The following IL1RAPL2 variants were observed in gnomAD, a reference collection of about 807,000 sequenced individuals.
IL1RAPL2 encodes the protein interleukin 1 receptor accessory protein like 2, also known as X-linked interleukin-1 receptor accessory protein-like 2.
IL1RAPL2 carries 3 observed loss-of-function variants against 44.1 expected under a neutral mutation model. The observed-to-expected ratio is 0.07, with a 90% CI of 0.03 to 0.18. The LOEUF is 0.18. Among genes scored for constraint, IL1RAPL2 ranks in the 10% least tolerant of loss-of-function variants. The pLI, the probability that IL1RAPL2 is intolerant of heterozygous loss-of-function variation, is 1.00. For synonymous variants in IL1RAPL2, 181 were observed against 178.8 expected, an observed-to-expected ratio of 1.01 and a Z score of -0.10; for missense variants, 391 against 496.4, an observed-to-expected ratio of 0.79 and a Z score of 2.02.
chrX:105,320,583 G>A (rs2034889493), intron 5 of IL1RAPL2, among the ~76,000 whole-genome samples: 1 of 108,587 alleles, frequency 9.2e-6, no homozygotes, highest in Admixed American at 9.6e-5. Context: ...TATATGTGCA[G>A]GTATGTGTAT....
chrX:104,671,194 A>AC (rs1484723836), intron 2 of IL1RAPL2, among the ~76,000 whole-genome samples: 1 of 110,821 alleles, frequency 9.0e-6, no homozygotes, highest in African/African-American at 3.3e-5. Context: ...ACACACACAC[A>AC]CGCACACACA....
rs182417025 is a variant in IL1RAPL2 at position 105,101,696 on chromosome X, C to T, written c.83-93779C>T. Among the ~76,000 whole-genome samples, 59 of 110,871 alleles carry T rather than the reference C, an allele frequency of 5.3e-4. No homozygotes were observed. The East Asian group carries it at 0.016, about 30-fold the overall frequency. On this transcript the variant is annotated intron_variant, in intron 2 of 10. Transcript: ENST00000372582. Reference sequence around the variant, plus strand: ...TTTGGAGATGTTAAAAAAAAATGGGCGTCTGTAGGAATGGTGTATCCCCTT... The same window carrying T: ...TTTGGAGATGTTAAAAAAAAATGGGTGTCTGTAGGAATGGTGTATCCCCTT...
In IL1RAPL2 at chrX:105,140,504, CT is replaced by C. The variant is rs758845475; in HGVS notation, c.83-54965del. ...GCAGCCCTGGTCTGTTTACTTCTGG[CT>C]TTTTTGTTATGTGAGATGAAAAAAT... On this transcript the variant is annotated intron_variant, in intron 2 of 10. Transcript: ENST00000372582. Among the ~76,000 whole-genome samples, 467 of 112,041 alleles carry C rather than the reference CT, an allele frequency of 4.2e-3. 1 individual carries two copies. The highest frequency in any genetic ancestry group is 6.8e-3 in the Non-Finnish European group (364 of 53,194).
chrX:105,631,853 C>T (rs776731653), intron 6 of IL1RAPL2, among the ~76,000 whole-genome samples: 1 of 111,389 alleles, frequency 9.0e-6, no homozygotes, highest in Non-Finnish European at 1.9e-5. Context: ...TTTGACTTAA[C>T]GAATCCAGCA....
chrX:105,321,016 T>C (rs1267101570), intron 5 of IL1RAPL2, among the ~76,000 whole-genome samples: 1 of 111,579 alleles, frequency 9.0e-6, no homozygotes, highest in African/African-American at 3.3e-5. Context: ...GCCTCCTCCA[T>C]GAAGCCTTCC....
chrX:105,248,521 C>T (rs962580497), intron 4 of IL1RAPL2, among the ~76,000 whole-genome samples: 2 of 110,989 alleles, frequency 1.8e-5, no homozygotes, highest in African/African-American at 6.5e-5. Flanking sequence ...CACTATAAAA[C>T]ACATTAGAAT....
intron 1 of IL1RAPL2, among the ~76,000 whole-genome samples, chrX:104,571,243 C>T (rs901325753): frequency 1.8e-5 from 2 of 112,036 alleles, no homozygotes; most frequent in Non-Finnish European, 3.8e-5. Context: ...ATTAATCTTC[C>T]TGTAGCTCAT....
chrX:104,973,270 C>A (rs1342238462), intron 2 of IL1RAPL2, among the ~76,000 whole-genome samples: 6 of 111,979 alleles, frequency 5.4e-5, no homozygotes, highest in African/African-American at 1.6e-4. Context: ...AAGGGACTTA[C>A]AGTCAAAAGA....
chrX:104,799,463 G>C (rs1488542624), intron 2 of IL1RAPL2, among the ~76,000 whole-genome samples: 3 of 111,098 alleles, frequency 2.7e-5, no homozygotes, highest in Admixed American at 9.6e-5. Context: ...GAGCTTGGCA[G>C]GGGGAGGAGC....
At chrX:104,678,333 T>A (rs1169377599) in intron 2 of IL1RAPL2, among the ~76,000 whole-genome samples, 4 of 111,968 alleles carry the variant, frequency 3.6e-5, no homozygotes, top group Non-Finnish European at 5.6e-5. Context: ...TTTAAACCTA[T>A]GTAGAGTAAA....
intron 6 of IL1RAPL2, among the ~76,000 whole-genome samples, chrX:105,692,690 G>A (rs1380371792): frequency 9.2e-6 from 1 of 108,895 alleles, no homozygotes; most frequent in Non-Finnish European, 1.9e-5. Flanking sequence ...AAAGGTGGGA[G>A]AGATGGGCAG....
chrX:105,494,903 A>T (rs2036346433), intron 6 of IL1RAPL2, among the ~76,000 whole-genome samples: 1 of 112,164 alleles, frequency 8.9e-6, no homozygotes, highest in Non-Finnish European at 1.9e-5. Flanking sequence ...ATACTCAGAG[A>T]TCTGTGAAAC....
At chrX:104,587,264 C>T (rs192378153) in intron 1 of IL1RAPL2, among the ~76,000 whole-genome samples, 39 of 111,778 alleles carry the variant, frequency 3.5e-4, no homozygotes, top group Admixed American at 1.2e-3. Context: ...GGATTTAGGG[C>T]AGTGCTTGCT....
intron 2 of IL1RAPL2, among the ~76,000 whole-genome samples, chrX:105,033,945 A>G (rs1245666163): frequency 9.1e-6 from 1 of 110,394 alleles, no homozygotes; most frequent in Non-Finnish European, 1.9e-5. Flanking sequence ...TTTTCTCTAA[A>G]CTTCCCTTCT....
chrX:104,631,954 C>A (rs1929660703), intron 1 of IL1RAPL2, among the ~76,000 whole-genome samples: 2 of 110,493 alleles, frequency 1.8e-5, no homozygotes, highest in East Asian at 5.7e-4. Context: ...AGGTTTTCTT[C>A]TAGGGTTTTT....
chrX:104,787,911 G>A (rs1220054607), intron 2 of IL1RAPL2, among the ~76,000 whole-genome samples: 1 of 111,663 alleles, frequency 9.0e-6, no homozygotes, highest in Non-Finnish European at 1.9e-5. Context: ...AAGGATGTTA[G>A]AAGTTTGATT....
intron 6 of IL1RAPL2, among the ~76,000 whole-genome samples, chrX:105,616,593 T>C (rs1258559079): frequency 9.0e-6 from 1 of 111,540 alleles, no homozygotes; most frequent in Non-Finnish European, 1.9e-5. Context: ...TTGTAAAATA[T>C]ACATACAAGT....
intron 2 of IL1RAPL2, among the ~76,000 whole-genome samples, chrX:104,916,361 C>G (rs555502525): frequency 9.0e-6 from 1 of 111,421 alleles, no homozygotes; most frequent in Non-Finnish European, 1.9e-5. Flanking sequence ...CATGATTTGG[C>G]TCTCTGTTTG....
intron 2 of IL1RAPL2, among the ~76,000 whole-genome samples, chrX:104,855,681 G>GTTTTTTTTT (rs1556002120): frequency 9.3e-5 from 5 of 53,878 alleles, no homozygotes; most frequent in African/African-American, 3.0e-4. Flanking sequence ...ATCTGGATCC[G>GTTTTTTTTT]TTTTTTTTTT....
Sources: gnomAD v4.1 joint callset for allele counts (sites outside exome capture counted in the v4.1 genomes callset) on GRCh38, gnomAD v4.1.1 for gene constraint, MANE v1.5 for transcripts, NCBI Gene and HGNC (gene_info 2026-07-23, HGNC 2026-07-21) for gene names.